NUP205: variants seen among roughly 807,000 people sequenced by gnomAD.
NUP205 encodes the protein nuclear pore complex protein Nup205.
Under a neutral mutation model 253.8 loss-of-function variants are expected in NUP205, and 76 were observed. The ratio of observed to expected loss-of-function variants is 0.30; its 90% CI spans 0.25 to 0.36. The LOEUF (loss-of-function observed/expected upper bound fraction) is 0.36. Among genes scored for constraint, NUP205 ranks in the 10% least tolerant of loss-of-function variants. The probability of loss-of-function intolerance (pLI) is 1.00; values close to 1 mark genes in which losing one functional copy is unlikely to be tolerated. For synonymous variants in NUP205, 832 were observed against 850.1 expected, an observed-to-expected ratio of 0.98 and a Z score of 0.37; for missense variants, 2,162 against 2,425.5, an observed-to-expected ratio of 0.89 and a Z score of 2.28.
chr7:135,606,541 TC>T (rs1794089663), intron 20 of NUP205, among the ~76,000 whole-genome samples: 1 of 152,194 alleles, frequency 6.6e-6, no homozygotes, highest in African/African-American at 2.4e-5. Flanking sequence ...GCACTTCTAG[TC>T]CCACACATTT....
chr7:135,586,149 G>A (rs906672389), intron 8 of NUP205, among the ~76,000 whole-genome samples: 9 of 141,998 alleles, frequency 6.3e-5, no homozygotes, highest in Non-Finnish European at 1.3e-4. Flanking sequence ...AAAGCACCCT[G>A]AAAGGTCTAC....
intron 22 of NUP205, among the ~76,000 whole-genome samples, chr7:135,609,110 A>G (rs1268901251): frequency 1.3e-5 from 2 of 151,128 alleles, no homozygotes; most frequent in Non-Finnish European, 3.0e-5. Context: ...GTCTCAAAAA[A>G]AAAAAAAAAA....
In NUP205 at chr7:135,646,244, T is replaced by C. The variant is rs1258239927; in HGVS notation, c.5886+13T>C. 2 of 1,574,132 alleles carry C rather than the reference T, an allele frequency of 1.3e-6. No individual in the cohort carries two copies. Among genetic ancestry groups the C allele is most frequent in the East Asian group, 2.2e-5 (1 of 44,720 alleles). ...TGATTTAGACCAGGTAAGGTTCTAT[T>C]CTCATATTCTTTTATTTTTCTTCAT... On this transcript the variant is annotated intron_variant, in intron 42 of 42. Coordinates refer to ENST00000285968, the MANE Select transcript of NUP205 (RefSeq NM_015135.3).
At chr7:135,625,465 C>A in intron 32 of NUP205, 110 bp downstream of exon 32, 1 of 809,596 alleles carries the variant, frequency 1.2e-6, no homozygotes, top group Non-Finnish European at 1.8e-6. Flanking sequence ...CTATCATAAG[C>A]TGGAATCCTT....
chr7:135,601,962 A>T (rs1464561548), intron 17 of NUP205, among the ~76,000 whole-genome samples: 2 of 152,238 alleles, frequency 1.3e-5, no homozygotes, highest in African/African-American at 4.8e-5. Flanking sequence ...ATATTAATGC[A>T]TTCAATCTAT....
At chr7:135,616,139 C>A in intron 24 of NUP205, 74 bp downstream of exon 24, 1 of 1,418,258 alleles carries the variant, frequency 7.1e-7, no homozygotes, top group Non-Finnish European at 9.7e-7. Context: ...GAAGCTTGTG[C>A]TTAGTATGTG....
chr7:135,645,115 G>T, intron 40 of NUP205, 97 bp downstream of exon 40: 1 of 1,410,572 alleles, frequency 7.1e-7, no homozygotes. Context: ...CCAGGTGGAA[G>T]GAGATAAACT....
At chr7:135,640,721 G>A (rs1396359335) in intron 38 of NUP205, among the ~76,000 whole-genome samples, 1 of 152,070 alleles carries the variant, frequency 6.6e-6, no homozygotes, top group Non-Finnish European at 1.5e-5. Flanking sequence ...TTATTTAAAG[G>A]TATCTTTCAG....
chr7:135,596,526 T>G (rs1793837419), intron 13 of NUP205, among the ~76,000 whole-genome samples: 1 of 152,186 alleles, frequency 6.6e-6, no homozygotes, highest in African/African-American at 2.4e-5. Context: ...TTAGTATACT[T>G]TTGATTTGCA....
chr7:135,627,952 T>C (rs1794629567), intron 33 of NUP205, 21 bp from the exon 34 acceptor site: 1 of 1,612,082 alleles, frequency 6.2e-7, no homozygotes, highest in Admixed American at 1.7e-5. Flanking sequence ...GAATGTTTTC[T>C]CCTTGTTTGG....
chr7:135,597,357 A>C lies in NUP205; in HGVS notation c.2014-11A>C, dbSNP rs1793863172. ...GGAATGCTCCTGACATCTACTTCTTACTATTTTAAGATACTGCAGACCGTG... is the reference window on the plus strand; with the variant it reads ...GGAATGCTCCTGACATCTACTTCTTCCTATTTTAAGATACTGCAGACCGTG... On this transcript the variant is annotated splice_polypyrimidine_tract_variant and intron_variant, in intron 13 of 42. Coordinates refer to ENST00000285968, the MANE Select transcript of NUP205 (RefSeq NM_015135.3). 3 of 1,601,764 alleles carry C rather than the reference A, an allele frequency of 1.9e-6. No individual in the cohort carries two copies. The East Asian group carries it at 6.7e-5, about 36-fold the overall frequency.
Position 135,618,562 on chromosome 7 carries a change from C to A in NUP205, c.3922C>A (p.Gln1308Lys), listed in dbSNP as rs1343739857. The A allele has an allele frequency of 6.2e-7, 1 of 1,611,064 alleles. No individual in the cohort carries two copies. Among genetic ancestry groups the A allele is most frequent in the African/African-American group, 1.3e-5 (1 of 74,854 alleles). The change falls in exon 28 of 43, where the codon CAA becomes AAA. Residue 1308 changes from glutamine (Q) to lysine (K), a missense_variant. Gln to Lys is a moderately conservative substitution (Grantham distance 53). Around this residue, in one of 5 missense-constraint regions of NUP205, gnomAD observed 1,144 missense variants for 1,280.9 expected, o/e 0.89. Transcript: ENST00000285968. ...GGACCTCATTCAGGCAGAGGATCGA[C>A]AACTGATTATTCGTGATATTTTACA... ...PQDLIQAEDR[Q>K]LIIRDILQDV...
intron 36 of NUP205, among the ~76,000 whole-genome samples, chr7:135,636,934 A>G (rs984054394): frequency 6.6e-6 from 1 of 152,184 alleles, no homozygotes; most frequent in Admixed American, 6.6e-5. Context: ...TGAACCTAGG[A>G]GGCAGAGGTT....
At position 135,604,511 on chromosome 7, in the gene NUP205, CTATA is replaced by C; in HGVS notation, c.2823+55_2823+58del. ...TTTTTTGGTGCATTTTGCATTTTGACTATATATGGAAGTTCTAGTGTCTATGGAG... is the reference window on the plus strand; with the variant it reads ...TTTTTTGGTGCATTTTGCATTTTGACTATGGAAGTTCTAGTGTCTATGGAG... On this transcript the variant is annotated intron_variant, in intron 19 of 42. Transcript: ENST00000285968. The C allele has an allele frequency of 1.9e-6, 3 of 1,548,210 alleles. No individual in the cohort carries two copies. In the South Asian group the frequency reaches 3.6e-5, roughly 19 times the overall value.
chr7:135,595,179 C>T (rs1793795474), intron 13 of NUP205, among the ~76,000 whole-genome samples: 2 of 151,454 alleles, frequency 1.3e-5, no homozygotes, highest in South Asian at 4.2e-4. Flanking sequence ...GTTGTTTTTC[C>T]ATTAAAGGGC....
In NUP205 at chr7:135,593,053, T is replaced by C. The variant is rs1397965708; in HGVS notation, c.1691T>C (p.Leu564Pro). 1.9e-6 allele frequency: 3 copies of C among 1,613,986 alleles called. No individual in the cohort carries two copies. The Admixed American group carries it at 5.0e-5, about 27-fold the overall frequency. ...GAACATTTCTTTCACTCCTTGATGCTTTACCACGAACACCTTCGGAAGGAT... is the reference window on the plus strand; with the variant it reads ...GAACATTTCTTTCACTCCTTGATGCCTTACCACGAACACCTTCGGAAGGAT... ...SWEHFFHSLM[L>P]YHEHLRKDLP... Residue 564 changes from leucine to proline, a missense_variant, in exon 12 of 43, where the codon CTT (leucine) becomes CCT (proline). Transcript: ENST00000285968.
intron 1 of NUP205, among the ~76,000 whole-genome samples, chr7:135,564,810 CA>C (rs1432029696): frequency 6.6e-6 from 1 of 151,850 alleles, no homozygotes; most frequent in Non-Finnish European, 1.5e-5. Context: ...CTCTGTCTTC[CA>C]GACTGGAGTG....
intron 15 of NUP205, 53 bp downstream of exon 15, chr7:135,598,260 TTA>T: frequency 6.8e-7 from 1 of 1,465,692 alleles, no homozygotes; most frequent in Non-Finnish European, 9.5e-7. Context: ...GCTTTTTCTT[TTA>T]TCAAAAGTAT....
intron 1 of NUP205, among the ~76,000 whole-genome samples, chr7:135,567,124 GTGTGTATATATATATATATATA>G (rs71174532): frequency 0.21 from 5,072 of 24,216 alleles, 498 homozygotes; most frequent in Non-Finnish European, 0.29. Flanking sequence ...CTCAGTCTAT[GTGTGTATATATATATATATATA>G]TATATATATA....
Sources: gnomAD v4.1 joint callset for allele counts (sites outside exome capture counted in the v4.1 genomes callset) on GRCh38, gnomAD v4.1.1 for gene constraint, gnomAD v4.1.1 regional missense constraint, MANE v1.5 for transcripts, NCBI Gene and HGNC (gene_info 2026-07-23, HGNC 2026-07-21) for gene names.